Variants in PODXL observed in about 807,000 individuals in gnomAD.
The protein encoded by PODXL is podocalyxin like.
Under a neutral mutation model 48.9 loss-of-function variants are expected in PODXL, and 20 were observed. The ratio of observed to expected loss-of-function variants is 0.41; its 90% confidence interval spans 0.29 to 0.59. The LOEUF (loss-of-function observed/expected upper bound fraction) is 0.59, where lower values mean the gene tolerates loss of function less well. Ranked by LOEUF, PODXL falls within the 20% of genes least tolerant of loss-of-function variation. The probability of loss-of-function intolerance (pLI) is 0.31; values close to 1 mark genes in which losing one functional copy is unlikely to be tolerated. For missense variants in PODXL, 606 were observed against 675.1 expected (o/e 0.90, Z 1.13); for synonymous variants, 295 against 287.4 (o/e 1.03, Z -0.27).
intron 1 of PODXL, among the ~76,000 whole-genome samples, chr7:131,512,632 A>T (rs1797933622): frequency 6.6e-6 from 1 of 152,152 alleles, no homozygotes; most frequent in South Asian, 2.1e-4. Flanking sequence ...TATGACAGTG[A>T]TAGCAACTGA....
intron 1 of PODXL, among the ~76,000 whole-genome samples, chr7:131,528,234 TAC>T (rs928906669): frequency 6.6e-6 from 1 of 152,204 alleles, no homozygotes; most frequent in Non-Finnish European, 1.5e-5. Context: ...AGAAAATGGA[TAC>T]AGTCATAACT....
chr7:131,533,313 G>T (rs1322577415), intron 1 of PODXL, among the ~76,000 whole-genome samples: 1 of 152,200 alleles, frequency 6.6e-6, no homozygotes, highest in Non-Finnish European at 1.5e-5. Context: ...CACCTCAGGG[G>T]TGGGGTCGTC....
At chr7:131,527,246 C>T (rs749635260) in intron 1 of PODXL, among the ~76,000 whole-genome samples, 2 of 152,228 alleles carry the variant, frequency 1.3e-5, no homozygotes, top group African/African-American at 2.4e-5. Flanking sequence ...TTCTAGAATG[C>T]TCTACAGGAC....
chr7:131,547,374 CAAAAAAAA>C (rs10683140), intron 1 of PODXL, among the ~76,000 whole-genome samples: 83 of 68,966 alleles, frequency 1.2e-3, no homozygotes, highest in African/African-American at 4.9e-3. Context: ...AACTCCGTCT[CAAAAAAAA>C]AAAAAAAAAA....
At chr7:131,507,077 A>G (rs996223904) in intron 5 of PODXL, 6 of 254,898 alleles carry the variant, frequency 2.4e-5, no homozygotes, top group Non-Finnish European at 4.6e-5. Context: ...AGAACGGGCT[A>G]GAGAGGGGGC....
chr7:131,547,330 G>A (rs543824785), intron 1 of PODXL, among the ~76,000 whole-genome samples: 48 of 121,102 alleles, frequency 4.0e-4, no homozygotes, highest in Middle Eastern at 7.8e-3. Context: ...CCAAGATTGC[G>A]CCATTGCACT....
rs569574649 is a variant in PODXL, at chr7:131,506,931, G to T, written c.1102-205C>A. 201 of 601,350 alleles carry T rather than the reference G, an allele frequency of 3.3e-4. No individual in the cohort carries two copies. The East Asian group carries it at 5.6e-3, about 17-fold the overall frequency. The allele number at this position is 601,350 out of a possible 1,614,324, so 37.3% of individuals were successfully genotyped here. A position where few individuals can be genotyped will look rare whatever the true frequency, so the allele number is the denominator to read the frequency against. On this transcript the variant is annotated intron_variant, in intron 5 of 8. Coordinates refer to ENST00000378555, the MANE Select transcript of PODXL (RefSeq NM_001018111.3). The stretch of plus-strand genomic sequence containing the variant: ...TCCTGGGCCAGTTCCTGCCTCCTCT[G>T]TCTCGTTCCCATCAGCCCGTTCTCC...
intron 1 of PODXL, among the ~76,000 whole-genome samples, chr7:131,522,143 T>C (rs924570449): frequency 6.6e-6 from 1 of 151,764 alleles, no homozygotes; most frequent in African/African-American, 2.4e-5. Context: ...GGCCAGCAAG[T>C]GTGAAGTAAA....
chr7:131,556,290 GCGA>G lies in PODXL; in HGVS notation c.67_69del (p.Ser23del). The G allele has an allele frequency of 6.7e-7, 1 of 1,484,600 alleles. No homozygotes were observed. Among genetic ancestry groups the G allele is most frequent in the Non-Finnish European group, 8.9e-7 (1 of 1,122,012 alleles). 92.0% of individuals were successfully genotyped at this position (1,484,600 alleles called of 1,614,324 possible). A position where few individuals can be genotyped will look rare whatever the true frequency, so the allele number is the denominator to read the frequency against. On this transcript the variant is annotated inframe_deletion, in exon 1 of 9. Transcript: ENST00000378555. ...TGGGAGGGCGACGGCGACGGCGACG[GCGA>G]CGACGGCAGCAGCGGCGGCGTTGAC...
At chr7:131,510,138 T>C in intron 3 of PODXL, 98 bp downstream of exon 3, 1 of 412,914 alleles carries the variant, frequency 2.4e-6, no homozygotes, top group Non-Finnish European at 4.8e-6. Flanking sequence ...GATCCATAGG[T>C]AGATTTTGAA....
intron 8 of PODXL, among the ~76,000 whole-genome samples, 197 bp from the exon 9 acceptor site, chr7:131,504,705 G>T (rs915332484): frequency 6.6e-6 from 1 of 151,976 alleles, no homozygotes; most frequent in Non-Finnish European, 1.5e-5. Context: ...ACAAAGACTT[G>T]CCCCTCACCC....
intron 1 of PODXL, among the ~76,000 whole-genome samples, chr7:131,524,379 C>CACACAGAGAGAGAGAGAGAGAGAG (rs746255906): frequency 7.9e-4 from 82 of 104,088 alleles, no homozygotes; most frequent in East Asian, 3.0e-3. Flanking sequence ...CACACACACA[C>CACACAGAGAGAGAGAGAGAGAGAG]AGAGAGAGAG....
In PODXL at chr7:131,506,263, C is replaced by T. The variant is rs994461436; in HGVS notation, c.1308G>A (p.Lys436=). Residue 436 remains lysine, a synonymous_variant, in exon 7 of 9, where the codon AAG becomes AAA. Transcript: ENST00000378555. ...ERLKDKWDEL[K]EAGVSDMKLG... ...CCACACTTGGGGGGCCGCTTACCTC[C>T]TTTAGTTCATCCCATTTGTCCTTCA... 27 of 1,614,054 alleles carry T rather than the reference C, an allele frequency of 1.7e-5. No homozygotes were observed. Among genetic ancestry groups the T allele is most frequent in the Non-Finnish European group, 2.1e-5 (25 of 1,180,000 alleles).
At chr7:131,505,277 T>G (rs1348816354) in intron 8 of PODXL, among the ~76,000 whole-genome samples, 4 of 152,192 alleles carry the variant, frequency 2.6e-5, no homozygotes, top group Non-Finnish European at 5.9e-5. Flanking sequence ...ATCCCTGCTG[T>G]GCAGATGAGG....
chr7:131,517,209 A>G (rs1798013470), intron 1 of PODXL, among the ~76,000 whole-genome samples: 1 of 152,184 alleles, frequency 6.6e-6, no homozygotes, highest in Non-Finnish European at 1.5e-5. Flanking sequence ...CAGGTTCCTT[A>G]GTGTAGAGAA....
At chr7:131,554,761 C>T (rs1490380131) in intron 1 of PODXL, among the ~76,000 whole-genome samples, 1 of 152,142 alleles carries the variant, frequency 6.6e-6, no homozygotes, top group Non-Finnish European at 1.5e-5. Context: ...CTGACACAGC[C>T]CAACGCCCTT....
intron 1 of PODXL, among the ~76,000 whole-genome samples, chr7:131,535,311 C>T (rs894695781): frequency 4.6e-5 from 7 of 152,192 alleles, no homozygotes; most frequent in African/African-American, 1.7e-4. Flanking sequence ...CTGAACTGCA[C>T]CCCTAAAAAT....
At chr7:131,530,850 G>T (rs1324452935) in intron 1 of PODXL, among the ~76,000 whole-genome samples, 1 of 151,986 alleles carries the variant, frequency 6.6e-6, no homozygotes. Context: ...CCTGAGGTCG[G>T]GAGTATGAGA....
chr7:131,542,659 C>T (rs891961344), intron 1 of PODXL, among the ~76,000 whole-genome samples: 5 of 152,006 alleles, frequency 3.3e-5, no homozygotes, highest in South Asian at 2.1e-4. Flanking sequence ...CCTGTCTCAA[C>T]GACGACAACA....
Sources: allele counts gnomAD v4.1 joint callset (sites outside exome capture counted in the v4.1 genomes callset), GRCh38; gene constraint gnomAD v4.1.1; transcripts MANE v1.5; gene names NCBI Gene and HGNC (gene_info 2026-07-23, HGNC 2026-07-21).